Variants in RP1L1 observed in about 807,000 individuals in gnomAD.
RP1L1 encodes RP1 like 1, also known as retinitis pigmentosa 1-like 1 protein.
In RP1L1, 27 loss-of-function variants were observed where a neutral mutation model predicts 15.7. The observed-to-expected ratio is 1.72, with a 90% confidence interval of 1.27 to 2.38. RP1L1 has a LOEUF of 2.38. RP1L1 is among the 30% of genes most tolerant of loss of function. The probability of loss-of-function intolerance (pLI) is 0.00; values close to 1 mark genes in which losing one functional copy is unlikely to be tolerated. For synonymous variants in RP1L1, 1,813 were observed against 1,276.7 expected (o/e 1.42, Z -8.96); for missense variants, 4,798 against 3,075.9 (o/e 1.56, Z -13.24).
At chr8:10,634,934 GC>G (rs987340139) in intron 1 of RP1L1, among the ~76,000 whole-genome samples, 6 of 152,178 alleles carry the variant, frequency 3.9e-5, no homozygotes, top group African/African-American at 1.4e-4. Context: ...GGAATAAGAG[GC>G]CCATCTCCCC....
intron 2 of RP1L1, among the ~76,000 whole-genome samples, chr8:10,617,024 A>G (rs374532674): frequency 1.4e-4 from 22 of 152,110 alleles, no homozygotes; most frequent in African/African-American, 4.8e-4. Context: ...TGTGCTGCCT[A>G]ATCTGTGTTT....
chr8:10,614,614 T>C (rs903062410), intron 3 of RP1L1, among the ~76,000 whole-genome samples: 5 of 135,882 alleles, frequency 3.7e-5, no homozygotes, highest in African/African-American at 1.4e-4. Flanking sequence ...TGAGCCTAGA[T>C]CGCATCACTG....
intron 1 of RP1L1, among the ~76,000 whole-genome samples, chr8:10,638,965 T>G (rs1798369119): frequency 6.6e-6 from 1 of 151,846 alleles, no homozygotes; most frequent in Non-Finnish European, 1.5e-5. Context: ...GCCAACACAG[T>G]GAAACCCAGG....
At chr8:10,643,478 T>C in intron 1 of RP1L1, among the ~76,000 whole-genome samples, 1 of 152,178 alleles carries the variant, frequency 6.6e-6, no homozygotes, top group East Asian at 1.9e-4. Flanking sequence ...TGCCATGGCA[T>C]GGCCAATCTG....
At chr8:10,618,849 T>A (rs1798014017) in intron 2 of RP1L1, among the ~76,000 whole-genome samples, 1 of 152,052 alleles carries the variant, frequency 6.6e-6, no homozygotes, top group Non-Finnish European at 1.5e-5. Flanking sequence ...TGTTTTGGTT[T>A]TCGTGTTTTT....
At chr8:10,617,627 G>A (rs908590061) in intron 2 of RP1L1, among the ~76,000 whole-genome samples, 1 of 132,200 alleles carries the variant, frequency 7.6e-6, no homozygotes, top group East Asian at 2.5e-4. Context: ...CGCGATCTGG[G>A]CTCACTGCAA....
At chr8:10,641,884 CA>C (rs1300013681) in intron 1 of RP1L1, among the ~76,000 whole-genome samples, 1 of 152,076 alleles carries the variant, frequency 6.6e-6, no homozygotes, top group African/African-American at 2.4e-5. Flanking sequence ...CTGAAAATGA[CA>C]ACATTATAGA....
chr8:10,607,753 ACCTTCTGCCTTCTGGGCCTCC>A lies in RP1L1; in HGVS notation c.6324_6344del (p.Glu2109_Gly2115del), dbSNP rs1797735074. On this transcript the variant is annotated inframe_deletion, in exon 4 of 4. Coordinates refer to ENST00000382483, the MANE Select transcript of RP1L1 (RefSeq NM_178857.6). ...CCCCTTCAGTCTCTGGGGCCTCTAT[ACCTTCTGCCTTCTGGGCCTCC>A]CCTTCTGCCTCTGGGGCCTCTACAC... is the stretch of plus-strand genomic sequence containing the variant. The A allele has an allele frequency of 4.7e-6, 7 of 1,505,310 alleles. No homozygotes were observed. The highest frequency in any genetic ancestry group is 6.2e-6 in the Non-Finnish European group (7 of 1,125,434). 93.2% of individuals were successfully genotyped at this position (1,505,310 alleles called of 1,614,324 possible). A position where few individuals can be genotyped will look rare whatever the true frequency, so the allele number is the denominator to read the frequency against.
At position 10,612,199 on chromosome 8, in the gene RP1L1, T is replaced by G; in HGVS notation, c.1899A>C (p.Ser633=). The change falls in exon 4 of 4, where the codon TCA becomes TCC. Residue 633 remains serine (S), a synonymous_variant. Transcript: ENST00000382483. ...TGTGCCTTCTCTGCCCCTGCTGGGA[T>G]GAAGTGCAGGTGGAAGGGGTGGAAG... is the stretch of plus-strand genomic sequence containing the variant. The part of the protein sequence containing the change: ...GASSTPSTCT[S]SQQGQRRHRS... The G allele has an allele frequency of 1.2e-6, 2 of 1,613,192 alleles. No homozygotes were observed. The highest frequency in any genetic ancestry group is 1.7e-6 in the Non-Finnish European group (2 of 1,179,930).
In RP1L1 at chr8:10,609,793, G is replaced by C. The variant is rs946476045; in HGVS notation, c.4305C>G (p.Ala1435=). ...CGGGGCACGGCTCTGCAGAGGCAGA[G>C]GCTCTTCCTGCTTCCTCCTCCTGGA... ...DPVQEEEAGR[A]SASAEPCPAE... is the part of the protein sequence containing the mutation. The change falls in exon 4 of 4, where the codon GCC becomes GCG. Residue 1435 remains alanine (A), a synonymous_variant. Transcript: ENST00000382483. 25 of 1,613,936 alleles carry C rather than the reference G, an allele frequency of 1.5e-5. No homozygotes were observed. The highest frequency in any genetic ancestry group is 2.1e-5 in the Non-Finnish European group (25 of 1,180,030).
rs778411310 is a variant in RP1L1 at position 10,610,610 on chromosome 8, A to T, written c.3488T>A (p.Val1163Asp). ...GCCTGAGTCCAGCTGGTCTTCCCCA[A>T]CGTCACATCCTGGCCACAGGTCCTT... is the stretch of plus-strand genomic sequence containing the variant. ...ISKDLWPGCD[V>D]GEDQLDSGLW... The change falls in exon 4 of 4, where the codon GTT becomes GAT. Residue 1163 changes from valine (V) to aspartate (D), a missense_variant. By Grantham distance (152) the Val-to-Asp change is radical. Transcript: ENST00000382483. 6.2e-7 allele frequency: 1 copy of T among 1,613,386 alleles called. No individual in the cohort carries two copies. The highest frequency in any genetic ancestry group is 1.3e-5 in the African/African-American group (1 of 74,912).
In RP1L1 at chr8:10,609,134, T is replaced by C. The variant is rs760948911; in HGVS notation, c.4964A>G (p.Glu1655Gly). 2.5e-6 allele frequency: 4 copies of C among 1,613,492 alleles called. No individual in the cohort carries two copies. The highest frequency in any genetic ancestry group is 4.5e-5 in the East Asian group (2 of 44,836). The change falls in exon 4 of 4, where the codon GAG (glutamate) becomes GGG (glycine). Residue 1655 changes from glutamate to glycine, a missense_variant. Glu to Gly is a moderately conservative substitution (Grantham distance 98). Transcript: ENST00000382483. ...CACGCAGGCCTCGCAGGGACAGAAC[T>C]CCTCCCCCTCCGCCTCCTCGCCCAG... ...SQLGEEAEGE[E>G]FCPCEACVRK...
At chr8:10,617,399 CAAAAAAAAAAA>C (rs369885056) in intron 2 of RP1L1, among the ~76,000 whole-genome samples, 5 of 83,018 alleles carry the variant, frequency 6.0e-5, no homozygotes, top group South Asian at 3.1e-4. Flanking sequence ...TGCTCATTAA[CAAAAAAAAAAA>C]AAAAAAAAAA....
rs867495399 is a variant in RP1L1 at position 10,610,991 on chromosome 8, G to T, written c.3107C>A (p.Pro1036His). 1.2e-6 allele frequency: 2 copies of T among 1,612,640 alleles called. No homozygotes were observed. Among genetic ancestry groups the T allele is most frequent in the South Asian group, 1.1e-5 (1 of 91,078 alleles). ...TTGGGGGACACCCTCTCCTGATTGG[G>T]GACCAGTGTCACTACTCCCCAGGAG... Reference protein sequence around the residue: ...GALLGSSDTGPQSGEGVPQGA... With the variant: ...GALLGSSDTGHQSGEGVPQGA... Residue 1036 changes from proline (P) to histidine (H), a missense_variant, in exon 4 of 4, where the codon CCC becomes CAC. Physicochemically the swap from Pro to His is moderately conservative, Grantham distance 77. Coordinates refer to ENST00000382483, the MANE Select transcript of RP1L1 (RefSeq NM_178857.6).
Position 10,609,655 on chromosome 8 carries a change from G to A in RP1L1, c.4443C>T (p.Pro1481=), listed in dbSNP as rs769756052. The A allele has an allele frequency of 7.5e-5, 121 of 1,610,412 alleles. No homozygotes were observed. The highest frequency in any genetic ancestry group is 1.6e-4 in the Middle Eastern group (1 of 6,078). Reference sequence around the variant, plus strand: ...GCTCTTGGCCCATCATGGTGGCTCCGGGCGGCTTTTCCAAACCAGGCTCAA... The same window carrying A: ...GCTCTTGGCCCATCATGGTGGCTCCAGGCGGCTTTTCCAAACCAGGCTCAA... ...SQLEPGLEKP[P]GATMMGQEHT... The change falls in exon 4 of 4, where the codon CCC becomes CCT. Residue 1481 remains proline (P), a synonymous_variant. Coordinates refer to ENST00000382483, the MANE Select transcript of RP1L1 (RefSeq NM_178857.6).
chr8:10,647,755 G>T (rs142037795), intron 1 of RP1L1, among the ~76,000 whole-genome samples: 1 of 152,186 alleles, frequency 6.6e-6, no homozygotes, highest in Non-Finnish European at 1.5e-5. Context: ...ATGAATCCAT[G>T]GATTATTTCT....
chr8:10,617,461 G>A (rs1178313439), intron 2 of RP1L1, among the ~76,000 whole-genome samples: 3 of 141,266 alleles, frequency 2.1e-5, no homozygotes, highest in African/African-American at 7.8e-5. Context: ...CCCAAAAAAT[G>A]TCATAGAAGT....
chr8:10,616,925 T>G (rs1189476632), intron 2 of RP1L1, among the ~76,000 whole-genome samples: 1 of 152,142 alleles, frequency 6.6e-6, no homozygotes, highest in East Asian at 1.9e-4. Context: ...GAATATGTAT[T>G]CCCTGAAGCA....
Position 10,609,363 on chromosome 8 carries a change from G to C in RP1L1, c.4735C>G (p.Leu1579Val). 1 of 1,612,514 alleles carries C rather than the reference G, an allele frequency of 6.2e-7. No individual in the cohort carries two copies. The highest frequency in any genetic ancestry group is 8.5e-7 in the Non-Finnish European group (1 of 1,179,918). Residue 1579 changes from leucine to valine, a missense_variant, in exon 4 of 4, where the codon CTC (leucine) becomes GTC (valine). By Grantham distance (32) the Leu-to-Val change is conservative. Coordinates refer to ENST00000382483, the MANE Select transcript of RP1L1 (RefSeq NM_178857.6). ...ACCATCCTACCCGCCCGGCCCTGGA[G>C]CTTCTGGAGCTCTCTCTTGGTGCTG... The part of the protein sequence containing the change: ...QDSTKRELQK[L>V]QGRAGRMVLE...
Sources: gnomAD v4.1 joint callset for allele counts (sites outside exome capture counted in the v4.1 genomes callset) on GRCh38, gnomAD v4.1.1 for gene constraint, MANE v1.5 for transcripts, NCBI Gene and HGNC (gene_info 2026-07-23, HGNC 2026-07-21) for gene names.